Variants in TNRC18 observed in about 807,000 individuals in gnomAD.
TNRC18 encodes trinucleotide repeat containing 18.
Under a neutral mutation model 226.7 loss-of-function variants are expected in TNRC18, and 69 were observed. That is an observed-to-expected ratio of 0.30 (90% confidence interval 0.25 to 0.37). TNRC18 has a LOEUF of 0.37. Ranked by LOEUF, TNRC18 falls within the 10% of genes least tolerant of loss-of-function variation. The pLI is 1.00. For missense variants in TNRC18, 4,754 were observed against 4,256.6 expected, an observed-to-expected ratio of 1.12 and a Z score of -3.25; for synonymous variants, 2,449 against 1,927.6, an observed-to-expected ratio of 1.27 and a Z score of -7.09.
intron 9 of TNRC18, among the ~76,000 whole-genome samples, chr7:5,374,870 C>T (rs1794499997): frequency 1.3e-5 from 2 of 152,250 alleles, no homozygotes; most frequent in Admixed American, 1.3e-4. Context: ...ACCTGCTAAA[C>T]CTTCCTGCTT....
At chr7:5,403,545 G>T (rs1447932885) in intron 2 of TNRC18, among the ~76,000 whole-genome samples, 1 of 151,976 alleles carries the variant, frequency 6.6e-6, no homozygotes, top group African/African-American at 2.4e-5. Context: ...TCAATCCTAG[G>T]ACTTTGGGAG....
At chr7:5,347,358 T>C (rs1791305053) in intron 17 of TNRC18, among the ~76,000 whole-genome samples, 3 of 150,514 alleles carry the variant, frequency 2.0e-5, no homozygotes. Flanking sequence ...GGCTAATTTT[T>C]TTTTTTTTTT....
chr7:5,359,315 T>G, intron 15 of TNRC18, 83 bp downstream of exon 15: 1 of 1,432,248 alleles, frequency 7.0e-7, no homozygotes, highest in Non-Finnish European at 9.7e-7. Flanking sequence ...ACAAAGGGCC[T>G]GCGAAGGGAG....
chr7:5,330,392 C>A (rs1789392300), intron 19 of TNRC18, among the ~76,000 whole-genome samples: 1 of 151,758 alleles, frequency 6.6e-6, no homozygotes, highest in Admixed American at 6.6e-5. Context: ...ACCACCACTC[C>A]CAGCTAATTG....
At chr7:5,416,281 G>A (rs1171447683) in intron 2 of TNRC18, among the ~76,000 whole-genome samples, 1 of 152,042 alleles carries the variant, frequency 6.6e-6, no homozygotes, top group African/African-American at 2.4e-5. Context: ...CGGACATGGT[G>A]GCGGGCACCT....
At chr7:5,392,091 G>A (rs1584043689) in intron 3 of TNRC18, among the ~76,000 whole-genome samples, 3 of 152,028 alleles carry the variant, frequency 2.0e-5, no homozygotes, top group South Asian at 2.1e-4. Context: ...CTCCAGCACC[G>A]CCTTGTCAAT....
At chr7:5,414,037 C>A (rs1782005124) in intron 2 of TNRC18, among the ~76,000 whole-genome samples, 1 of 151,980 alleles carries the variant, frequency 6.6e-6, no homozygotes, top group Non-Finnish European at 1.5e-5. Flanking sequence ...ACTGCAACCT[C>A]CCAGGTTCAA....
At chr7:5,322,279 C>CAATAATAAT (rs951316635) in intron 21 of TNRC18, among the ~76,000 whole-genome samples, 3 of 71,426 alleles carry the variant, frequency 4.2e-5, no homozygotes, top group African/African-American at 1.3e-4. Flanking sequence ...GATTCCGTCT[C>CAATAATAAT]AATAATCATC....
chr7:5,333,574 C>T (rs1010581081), intron 18 of TNRC18, among the ~76,000 whole-genome samples: 1 of 152,204 alleles, frequency 6.6e-6, no homozygotes, highest in Non-Finnish European at 1.5e-5. Flanking sequence ...CCCCAGGCCC[C>T]ACCCATTGCA....
At chr7:5,315,287 T>A in intron 25 of TNRC18, 139 bp from the exon 26 acceptor site, 1 of 863,564 alleles carries the variant, frequency 1.2e-6, no homozygotes, top group Non-Finnish European at 1.7e-6. Context: ...TGGGCTCCCA[T>A]GACAGGCTGT....
chr7:5,383,508 C>T (rs1273938271), intron 5 of TNRC18, among the ~76,000 whole-genome samples: 1 of 152,204 alleles, frequency 6.6e-6, no homozygotes, highest in African/African-American at 2.4e-5. Context: ...GCTCGAGGCT[C>T]TTGTTCAAGG....
At position 5,307,183 on chromosome 7, in the gene TNRC18, AAAT is replaced by A. The variant is rs1355173003; in HGVS notation, c.*920_*922del. The A allele has an allele frequency of 3.4e-5, 5 of 145,260 alleles. No individual in the cohort carries two copies. The highest frequency in any genetic ancestry group is 3.2e-3 in the Middle Eastern group (1 of 312). 9.0% of individuals were successfully genotyped at this position (145,260 alleles called of 1,614,324 possible). A position where few individuals can be genotyped will look rare whatever the true frequency, so the allele number is the denominator to read the frequency against. On this transcript the variant is annotated 3_prime_UTR_variant, in exon 30 of 30. Transcript: ENST00000430969. ...ACACTATAATCTAACAGGAAATAAA[AAAT>A]AATATTCTGCACGTCAGAATGTTTT...
At chr7:5,399,558 T>C (rs1367315360) in intron 2 of TNRC18, among the ~76,000 whole-genome samples, 1 of 151,334 alleles carries the variant, frequency 6.6e-6, no homozygotes, top group Non-Finnish European at 1.5e-5. Flanking sequence ...AATACAAAAT[T>C]AGCCGGGCGT....
intron 18 of TNRC18, among the ~76,000 whole-genome samples, chr7:5,336,548 C>G (rs1790135985): frequency 6.6e-6 from 1 of 151,512 alleles, no homozygotes; most frequent in Non-Finnish European, 1.5e-5. Flanking sequence ...TCAAGACCAG[C>G]CTGGGCAACA....
chr7:5,382,813 C>T (rs1779491278), intron 5 of TNRC18, among the ~76,000 whole-genome samples: 1 of 152,112 alleles, frequency 6.6e-6, no homozygotes, highest in Non-Finnish European at 1.5e-5. Flanking sequence ...AGTAACAGCC[C>T]CTCCTCTGCA....
rs767386590 is a variant in TNRC18 at position 5,394,486 on chromosome 7, A to C, written c.297T>G (p.Pro99=). The C allele has an allele frequency of 1.9e-6, 3 of 1,560,592 alleles. No homozygotes were observed. The East Asian group carries it at 7.2e-5, about 38-fold the overall frequency. The change falls in exon 3 of 30, where the codon CCT becomes CCG. Residue 99 remains proline, a synonymous_variant. Transcript: ENST00000430969. The surrounding 1 kb of genome is among the most constrained non-coding windows in gnomAD (Gnocchi z 4.5). ...PSDLSFRSPT[P]SNLPMVQLWA... Reference sequence around the variant, plus strand: ...ACAGCTGCACCATGGGCAGGTTGCTAGGGGTTGGGGAGCGGAAAGACAGGT... The same window carrying C: ...ACAGCTGCACCATGGGCAGGTTGCTCGGGGTTGGGGAGCGGAAAGACAGGT...
chr7:5,395,996 C>CA (rs1178969904), intron 2 of TNRC18, among the ~76,000 whole-genome samples: 3,077 of 107,674 alleles, frequency 0.029, 156 homozygotes, highest in African/African-American at 0.081. Flanking sequence ...GACTCCGTCT[C>CA]AAAAAAAAAA....
intron 2 of TNRC18, among the ~76,000 whole-genome samples, chr7:5,403,164 A>C (rs539708873): frequency 1.1e-3 from 125 of 114,638 alleles, no homozygotes; most frequent in Non-Finnish European, 1.7e-3. Flanking sequence ...TTTTATCTTC[A>C]CTTTTTTTTT....
intron 15 of TNRC18, among the ~76,000 whole-genome samples, chr7:5,358,749 T>C (rs1417370544): frequency 6.6e-6 from 1 of 152,094 alleles, no homozygotes; most frequent in African/African-American, 2.4e-5. Context: ...GGGAGGCGGA[T>C]GTTGCAGTGA....
Sources: gnomAD v4.1 joint callset for allele counts (sites outside exome capture counted in the v4.1 genomes callset) on GRCh38, gnomAD v4.1.1 for gene constraint, Gnocchi (gnomAD v3.1) non-coding constraint, MANE v1.5 for transcripts, NCBI Gene and HGNC (gene_info 2026-07-23, HGNC 2026-07-21) for gene names.